PAK5: variants seen among roughly 807,000 people sequenced by gnomAD.
The protein encoded by PAK5 is serine/threonine-protein kinase PAK 5.
In PAK5, 16 loss-of-function variants were observed where a neutral mutation model predicts 65.9. That is an observed-to-expected ratio of 0.24 (90% confidence interval 0.16 to 0.37). The LOEUF is 0.37. Ranked by LOEUF, PAK5 falls within the 10% of genes least tolerant of loss-of-function variation. PAK5 has a pLI of 1.00. For synonymous variants in PAK5, 371 were observed against 354.9 expected, an observed-to-expected ratio of 1.05 and a Z score of -0.51; for missense variants, 785 against 903.9, an observed-to-expected ratio of 0.87 and a Z score of 1.69.
intron 1 of PAK5, among the ~76,000 whole-genome samples, chr20:9,726,299 T>C (rs2048276783): frequency 6.6e-6 from 1 of 152,184 alleles, no homozygotes; most frequent in Non-Finnish European, 1.5e-5. Context: ...ATTGGCTACT[T>C]TTCTTGAATA....
intron 2 of PAK5, among the ~76,000 whole-genome samples, chr20:9,649,132 C>A (rs1176941167): frequency 1.3e-5 from 2 of 152,152 alleles, no homozygotes; most frequent in African/African-American, 2.4e-5. Flanking sequence ...TTCTTCATTT[C>A]TTTGTTTCAT....
chr20:9,813,172 A>C (rs2049317698), intron 1 of PAK5, among the ~76,000 whole-genome samples: 1 of 152,172 alleles, frequency 6.6e-6, no homozygotes, highest in African/African-American at 2.4e-5. Context: ...AAATTCTAGA[A>C]AATCCAAACT....
intron 1 of PAK5, among the ~76,000 whole-genome samples, chr20:9,779,366 C>A (rs370454697): frequency 6.0e-4 from 56 of 93,280 alleles, no homozygotes; most frequent in Non-Finnish European, 8.0e-4. Context: ...ATATATATAT[C>A]TAAAATATAA....
At chr20:9,708,796 C>T (rs1344214229) in intron 2 of PAK5, among the ~76,000 whole-genome samples, 1 of 152,152 alleles carries the variant, frequency 6.6e-6, no homozygotes, top group South Asian at 2.1e-4. Context: ...GAGAAGATAG[C>T]TAAATACCCT....
intron 2 of PAK5, among the ~76,000 whole-genome samples, chr20:9,698,522 C>T (rs1030832277): frequency 6.6e-5 from 10 of 152,188 alleles, no homozygotes; most frequent in African/African-American, 1.7e-4. Flanking sequence ...AGCACTTCAT[C>T]TAAGGAATGT....
chr20:9,835,238 G>C (rs762168051), intron 1 of PAK5, among the ~76,000 whole-genome samples: 12 of 152,178 alleles, frequency 7.9e-5, no homozygotes, highest in Non-Finnish European at 1.6e-4. Context: ...CCATTATAGA[G>C]CTTACAGACA....
At chr20:9,602,706 G>T (rs908521375) in intron 3 of PAK5, among the ~76,000 whole-genome samples, 1 of 152,140 alleles carries the variant, frequency 6.6e-6, no homozygotes, top group African/African-American at 2.4e-5. Context: ...TCAGTCAAAC[G>T]TGACCACAGC....
chr20:9,652,892 G>T (rs1396300695), intron 2 of PAK5, among the ~76,000 whole-genome samples: 2 of 152,098 alleles, frequency 1.3e-5, no homozygotes, highest in African/African-American at 4.8e-5. Flanking sequence ...CATGATGTTT[G>T]GATCTTACCT....
intron 3 of PAK5, among the ~76,000 whole-genome samples, chr20:9,592,141 CA>C (rs2046183352): frequency 6.6e-6 from 1 of 152,112 alleles, no homozygotes; most frequent in Non-Finnish European, 1.5e-5. Context: ...TTAAGGTCAT[CA>C]CGGACATAAA....
At chr20:9,810,844 C>G (rs111739937) in intron 1 of PAK5, among the ~76,000 whole-genome samples, 1 of 152,144 alleles carries the variant, frequency 6.6e-6, no homozygotes, top group Non-Finnish European at 1.5e-5. Flanking sequence ...TATATACACA[C>G]ATACACATAG....
intron 2 of PAK5, among the ~76,000 whole-genome samples, chr20:9,693,727 T>C (rs77757640): frequency 0.025 from 3,879 of 152,214 alleles, 105 homozygotes; most frequent in African/African-American, 0.068. Context: ...ATAAAGCTCA[T>C]TAACACTTTA....
In PAK5 at chr20:9,775,757, A is replaced by C. The variant is rs182411422; in HGVS notation, c.-162+63005T>G. ...GTAACATACTTTTCTTTTAGACAGAATAGTGAATCTAAATTGCAGTTGTAC... is the reference window on the plus strand; with the variant it reads ...GTAACATACTTTTCTTTTAGACAGACTAGTGAATCTAAATTGCAGTTGTAC... On this transcript the variant is annotated intron_variant, in intron 1 of 9. Coordinates refer to ENST00000353224, the MANE Select transcript of PAK5 (RefSeq NM_177990.4). 3.3e-5 allele frequency among the ~76,000 whole-genome samples: 5 copies of C among 152,296 alleles called. No individual in the cohort carries two copies. The East Asian group carries it at 9.6e-4, about 29-fold the overall frequency.
At chr20:9,753,386 G>A (rs759565023) in intron 1 of PAK5, among the ~76,000 whole-genome samples, 1 of 152,106 alleles carries the variant, frequency 6.6e-6, no homozygotes, top group Admixed American at 6.6e-5. Context: ...ATAGTATAAT[G>A]TATTGTTTGA....
chr20:9,639,185 C>A (rs897710495), intron 3 of PAK5, among the ~76,000 whole-genome samples: 2 of 152,056 alleles, frequency 1.3e-5, no homozygotes, highest in African/African-American at 4.8e-5. Context: ...TCCAGAGAAG[C>A]CATTTTCAAA....
intron 3 of PAK5, among the ~76,000 whole-genome samples, chr20:9,586,472 C>T (rs1328303627): frequency 3.3e-5 from 5 of 152,042 alleles, no homozygotes; most frequent in Admixed American, 2.6e-4. Flanking sequence ...ATCTATTTAT[C>T]CTAAAATATC....
intron 3 of PAK5, among the ~76,000 whole-genome samples, chr20:9,638,356 G>A (rs2047007873): frequency 6.6e-6 from 1 of 152,208 alleles, no homozygotes; most frequent in Admixed American, 6.5e-5. Context: ...GCCCTACATG[G>A]CCTACATGGC....
Position 9,566,369 on chromosome 20 carries a change from C to A in PAK5, c.1006G>T (p.Ala336Ser). Reference sequence around the variant, plus strand: ...AGTGGAGGGCTGAGGACCATCTGTGCTCGATCGTAATCCACCTGGGAAGAC... The same window carrying A: ...AGTGGAGGGCTGAGGACCATCTGTGATCGATCGTAATCCACCTGGGAAGAC... ...MCIPKVDYDR[A>S]QMVLSPPLSG... is the part of the protein sequence containing the mutation. The change falls in exon 5 of 10, where the codon GCA (alanine) becomes TCA (serine). Residue 336 changes from alanine (A) to serine (S), a missense_variant. Ala to Ser is a moderately conservative substitution (Grantham distance 99). This residue lies in a region of PAK5 where 422 missense variants were observed against 413.3 expected (regional missense o/e 1.02). Coordinates refer to ENST00000353224, the MANE Select transcript of PAK5 (RefSeq NM_177990.4). The A allele has an allele frequency of 6.2e-7, 1 of 1,613,070 alleles. No homozygotes were observed. Among genetic ancestry groups the A allele is most frequent in the East Asian group, 2.2e-5 (1 of 44,858 alleles).
chr20:9,640,524 G>A lies in PAK5; in HGVS notation c.204+3601C>T, dbSNP rs561655275. On this transcript the variant is annotated intron_variant, in intron 3 of 9. Coordinates refer to ENST00000353224, the MANE Select transcript of PAK5 (RefSeq NM_177990.4). ...GTGAATAGTGCCGCAATAAACATAC[G>A]TGTGCTTGTGTGTTTATAGCAGCAT... Among the ~76,000 whole-genome samples, 377 of 152,212 alleles carry A rather than the reference G, an allele frequency of 2.5e-3. 1 individual carries two copies. The highest frequency in any genetic ancestry group is 7.3e-3 in the African/African-American group (303 of 41,538).
At chr20:9,710,265 G>A (rs748826605) in intron 2 of PAK5, among the ~76,000 whole-genome samples, 16 of 152,096 alleles carry the variant, frequency 1.1e-4, no homozygotes, top group Non-Finnish European at 2.1e-4. Flanking sequence ...AAGTCTCCGA[G>A]TGTTACAAGA....
Sources: gnomAD v4.1 joint callset for allele counts (sites outside exome capture counted in the v4.1 genomes callset) on GRCh38, gnomAD v4.1.1 for gene constraint, gnomAD v4.1.1 regional missense constraint, MANE v1.5 for transcripts, NCBI Gene and HGNC (gene_info 2026-07-23, HGNC 2026-07-21) for gene names.